CDH12: variants seen among roughly 807,000 people sequenced by gnomAD.
The protein encoded by CDH12 is cadherin 12, also known as cadherin-12.
In CDH12, 41 loss-of-function variants were observed where a neutral mutation model predicts 74.1. That is an observed-to-expected ratio of 0.55 (90% CI 0.43 to 0.72). CDH12 has a LOEUF of 0.72. CDH12 is among the 30% of genes least tolerant of loss of function. The pLI is 0.00. For missense variants in CDH12, 945 were observed against 977.2 expected (o/e 0.97, Z 0.44); for synonymous variants, 399 against 355.0 (o/e 1.12, Z -1.39).
At chr5:22,047,901 C>T (rs886879361) in intron 5 of CDH12, among the ~76,000 whole-genome samples, 1 of 152,126 alleles carries the variant, frequency 6.6e-6, no homozygotes, top group African/African-American at 2.4e-5. Flanking sequence ...TAGCTAAAAC[C>T]AGTGAGGTAA....
At chr5:21,835,367 GTATA>G (rs111979736) in intron 8 of CDH12, among the ~76,000 whole-genome samples, 3 of 148,886 alleles carry the variant, frequency 2.0e-5, no homozygotes, top group African/African-American at 4.9e-5. Context: ...GTATGTGTGT[GTATA>G]TATATATATA....
At chr5:21,844,940 T>C (rs1750078575) in intron 7 of CDH12, among the ~76,000 whole-genome samples, 1 of 152,140 alleles carries the variant, frequency 6.6e-6, no homozygotes, top group Admixed American at 6.6e-5. Flanking sequence ...TCTTTTCAAA[T>C]GTCCTGCTGT....
At chr5:22,252,836 T>C (rs1483707579) in intron 3 of CDH12, among the ~76,000 whole-genome samples, 1 of 151,976 alleles carries the variant, frequency 6.6e-6, no homozygotes, top group African/African-American at 2.4e-5. Flanking sequence ...ATTTTTTTTT[T>C]CTCACCTCCC....
chr5:22,020,147 A>T (rs1459720758), intron 5 of CDH12, among the ~76,000 whole-genome samples: 2 of 152,188 alleles, frequency 1.3e-5, no homozygotes, highest in African/African-American at 4.8e-5. Flanking sequence ...AACACTATGG[A>T]ATAATGACTG....
intron 5 of CDH12, among the ~76,000 whole-genome samples, chr5:21,980,061 A>G (rs547812623): frequency 5.8e-4 from 87 of 150,880 alleles, no homozygotes; most frequent in African/African-American, 2.1e-3. Context: ...TTTTTCATGT[A>G]TTTTTTGGCT....
In CDH12 at chr5:21,763,648, A is replaced by G. The variant is rs183048307; in HGVS notation, c.1515+1330T>C. Among the ~76,000 whole-genome samples, 794 of 152,334 alleles carry G rather than the reference A, an allele frequency of 5.2e-3. 7 individuals are homozygous for G. The highest frequency in any genetic ancestry group is 7.3e-3 in the Non-Finnish European group (499 of 68,020). On this transcript the variant is annotated intron_variant, in intron 12 of 14. Coordinates refer to ENST00000382254, the MANE Select transcript of CDH12 (RefSeq NM_004061.5). The stretch of plus-strand genomic sequence containing the variant: ...GAATGCAGATCCACAATATTAGATT[A>G]AACATATTTTTGTTTCATGACATAA...
chr5:22,191,890 C>T (rs1467821674), intron 4 of CDH12, among the ~76,000 whole-genome samples: 1 of 151,540 alleles, frequency 6.6e-6, no homozygotes, highest in African/African-American at 2.4e-5. Flanking sequence ...AGAACAGATT[C>T]TTTCATATAT....
At chr5:22,752,374 C>T (rs1745623624) in intron 1 of CDH12, among the ~76,000 whole-genome samples, 2 of 151,510 alleles carry the variant, frequency 1.3e-5, no homozygotes, top group African/African-American at 4.9e-5. Context: ...GGAAGCTATA[C>T]TAACAATGAG....
intron 11 of CDH12, among the ~76,000 whole-genome samples, chr5:21,773,518 G>C (rs183648012): frequency 3.3e-5 from 5 of 152,264 alleles, no homozygotes; most frequent in Admixed American, 6.5e-5. Context: ...TAAACTCTTG[G>C]ACTTACACCA....
chr5:22,324,402 TTAC>T (rs2150439629), intron 3 of CDH12, among the ~76,000 whole-genome samples: 1 of 152,132 alleles, frequency 6.6e-6, no homozygotes, highest in African/African-American at 2.4e-5. Flanking sequence ...ATCCTTGTTT[TTAC>T]TACTTTATTT....
chr5:22,559,515 G>A (rs1006298180), intron 1 of CDH12, among the ~76,000 whole-genome samples: 4 of 151,984 alleles, frequency 2.6e-5, no homozygotes, highest in African/African-American at 9.7e-5. Context: ...TTTTGGAAGA[G>A]TGCTATGAAT....
chr5:22,196,719 G>A (rs1164275490), intron 4 of CDH12, among the ~76,000 whole-genome samples: 15 of 152,194 alleles, frequency 9.9e-5, no homozygotes, highest in African/African-American at 2.9e-4. Flanking sequence ...TCAGGCACCC[G>A]GAGGGCTCTA....
At chr5:22,671,067 T>C (rs960521555) in intron 1 of CDH12, among the ~76,000 whole-genome samples, 1 of 151,870 alleles carries the variant, frequency 6.6e-6, no homozygotes, top group African/African-American at 2.4e-5. Context: ...AACAGAACTT[T>C]AGTTTTTATT....
intron 3 of CDH12, among the ~76,000 whole-genome samples, chr5:22,297,048 T>A (rs1160905867): frequency 6.6e-6 from 1 of 151,928 alleles, no homozygotes; most frequent in South Asian, 2.1e-4. Context: ...TTGGACGGAG[T>A]TTTGCTCTTG....
At chr5:22,443,025 T>C (rs942906291) in intron 2 of CDH12, among the ~76,000 whole-genome samples, 1 of 152,130 alleles carries the variant, frequency 6.6e-6, no homozygotes, top group Non-Finnish European at 1.5e-5. Flanking sequence ...TTATCTCAGG[T>C]TCATTCAAGA....
At chr5:22,586,627 G>C (rs1209786818) in intron 1 of CDH12, among the ~76,000 whole-genome samples, 1 of 151,664 alleles carries the variant, frequency 6.6e-6, no homozygotes, top group African/African-American at 2.4e-5. Context: ...TTTGAAGCTT[G>C]CTCTGCTGAA....
Position 21,764,970 on chromosome 5 carries a change from T to C in CDH12, c.1515+8A>G. The C allele has an allele frequency of 6.2e-7, 1 of 1,613,692 alleles. No homozygotes were observed. ...TTATACACTCAAGGAACAATATTTA[T>C]AAGATACCTGTCCTGGCTTGGCATT... is the stretch of plus-strand genomic sequence containing the variant. On this transcript the variant is annotated splice_region_variant and intron_variant, in intron 12 of 14. Transcript: ENST00000382254.
chr5:22,060,641 C>T (rs982218100), intron 5 of CDH12, among the ~76,000 whole-genome samples: 3 of 152,098 alleles, frequency 2.0e-5, no homozygotes, highest in African/African-American at 7.2e-5. Flanking sequence ...ACACAGTATA[C>T]AAGATTGGAA....
chr5:22,116,864 C>CTT (rs70957090), intron 4 of CDH12, among the ~76,000 whole-genome samples: 56 of 107,854 alleles, frequency 5.2e-4, no homozygotes, highest in Non-Finnish European at 6.6e-4. Flanking sequence ...CTGCAAGTCT[C>CTT]TTTTTTTTTT....
Sources: gnomAD v4.1 joint callset for allele counts (sites outside exome capture counted in the v4.1 genomes callset) on GRCh38, gnomAD v4.1.1 for gene constraint, MANE v1.5 for transcripts, NCBI Gene and HGNC (gene_info 2026-07-23, HGNC 2026-07-21) for gene names.